Variants in SHB observed in about 807,000 individuals in gnomAD.
The protein encoded by SHB is SH2 domain-containing adapter protein B.
In SHB, 20 loss-of-function variants were observed where a neutral mutation model predicts 52.3. The ratio of observed to expected loss-of-function variants is 0.38; its 90% CI spans 0.27 to 0.56. SHB has a LOEUF of 0.56. Among genes scored for constraint, SHB ranks in the 20% least tolerant of loss-of-function variants. SHB has a pLI of 0.71. For synonymous variants in SHB, 397 were observed against 316.5 expected, an observed-to-expected ratio of 1.25 and a Z score of -2.70; for missense variants, 825 against 723.3, an observed-to-expected ratio of 1.14 and a Z score of -1.61.
chr9:38,009,118 C>T (rs1821106199), intron 2 of SHB, among the ~76,000 whole-genome samples: 1 of 152,228 alleles, frequency 6.6e-6, no homozygotes, highest in Non-Finnish European at 1.5e-5. Flanking sequence ...GACTCACAGG[C>T]TCCTTTTTCT....
chr9:37,956,400 G>A lies in SHB; in HGVS notation c.1055-346C>T, dbSNP rs376604179. Among the ~76,000 whole-genome samples the A allele has an allele frequency of 5.9e-5, 9 of 152,200 alleles. No individual in the cohort carries two copies. The East Asian group carries it at 1.4e-3, about 23-fold the overall frequency. The stretch of plus-strand genomic sequence containing the variant: ...AACTCTGTCCTCTGGACAGTTCTCA[G>A]GGGAAAAAGCTGTTTCTTGTATTGG... On this transcript the variant is annotated intron_variant, in intron 3 of 5. Transcript: ENST00000377707.
Position 38,068,106 on chromosome 9 carries a change from G to A in SHB, c.540C>T (p.Ser180=), listed in dbSNP as rs762987990. Residue 180 remains serine, a synonymous_variant, in exon 1 of 6, where the codon TCC becomes TCT. Transcript: ENST00000377707. Reference sequence around the variant, plus strand: ...CCACTTTGATGAGGCGGTGCTTGGGGGAGATGTAGCGCACCTCGGCCGGCG... The same window carrying A: ...CCACTTTGATGAGGCGGTGCTTGGGAGAGATGTAGCGCACCTCGGCCGGCG... ...PATPAEVRYI[S]PKHRLIKVES... is the part of the protein sequence containing the mutation. 17 of 1,484,556 alleles carry A rather than the reference G, an allele frequency of 1.1e-5. No homozygotes were observed. In the East Asian group the frequency reaches 3.3e-4, roughly 29 times the overall value. 92.0% of individuals were successfully genotyped at this position (1,484,556 alleles called of 1,614,324 possible).
intron 3 of SHB, among the ~76,000 whole-genome samples, chr9:37,970,042 G>C (rs1820573315): frequency 1.3e-5 from 2 of 152,220 alleles, no homozygotes; most frequent in African/African-American, 2.4e-5. Flanking sequence ...GGGTGGGAAG[G>C]GGGCTGACAG....
At chr9:38,001,513 T>TTC (rs1488490497) in intron 2 of SHB, among the ~76,000 whole-genome samples, 4 of 152,242 alleles carry the variant, frequency 2.6e-5, no homozygotes, top group Non-Finnish European at 4.4e-5. Flanking sequence ...GCCTGGCCAG[T>TTC]TCTGTCCTTC....
At chr9:38,037,942 T>G (rs994556600) in intron 1 of SHB, among the ~76,000 whole-genome samples, 3 of 152,170 alleles carry the variant, frequency 2.0e-5, no homozygotes, top group African/African-American at 7.2e-5. Flanking sequence ...TCTGTCACAC[T>G]CTAACAAGAT....
intron 2 of SHB, chr9:38,015,576 C>T: frequency 1.5e-6 from 1 of 664,146 alleles, no homozygotes; most frequent in African/African-American, 1.8e-5. Flanking sequence ...TACTAGTAAT[C>T]TGGCCAGCTC....
intron 2 of SHB, among the ~76,000 whole-genome samples, chr9:37,987,222 AT>A (rs1820820550): frequency 6.6e-6 from 1 of 152,176 alleles, no homozygotes; most frequent in Non-Finnish European, 1.5e-5. Context: ...CAAAAACTCA[AT>A]TGTCAATAGT....
At chr9:37,992,385 G>A (rs1364897107) in intron 2 of SHB, among the ~76,000 whole-genome samples, 1 of 152,100 alleles carries the variant, frequency 6.6e-6, no homozygotes, top group Non-Finnish European at 1.5e-5. Flanking sequence ...TGGGCAACAA[G>A]AGCGAAATTC....
At chr9:37,947,475 G>A (rs1832506098) in intron 5 of SHB, among the ~76,000 whole-genome samples, 1 of 152,208 alleles carries the variant, frequency 6.6e-6, no homozygotes, top group African/African-American at 2.4e-5. Flanking sequence ...GTCCTTGAGA[G>A]ATGCATGGTC....
At chr9:38,059,799 C>T (rs1267966516) in intron 1 of SHB, among the ~76,000 whole-genome samples, 1 of 152,208 alleles carries the variant, frequency 6.6e-6, no homozygotes, top group Non-Finnish European at 1.5e-5. Flanking sequence ...CAGGTACTGG[C>T]CACCAGCTCT....
intron 1 of SHB, among the ~76,000 whole-genome samples, chr9:38,045,800 T>G (rs532389023): frequency 6.6e-6 from 1 of 152,294 alleles, no homozygotes; most frequent in Non-Finnish European, 1.5e-5. Context: ...ATGTAAAGAT[T>G]GATTAAAGAT....
At chr9:38,063,186 C>A (rs1821917039) in intron 1 of SHB, among the ~76,000 whole-genome samples, 2 of 152,196 alleles carry the variant, frequency 1.3e-5, no homozygotes, top group Non-Finnish European at 2.9e-5. Context: ...CAAGTGCAAC[C>A]CTGACCTTTG....
At chr9:38,013,316 C>T (rs778172903) in intron 2 of SHB, among the ~76,000 whole-genome samples, 5 of 152,206 alleles carry the variant, frequency 3.3e-5, no homozygotes, top group Admixed American at 1.3e-4. Context: ...GGTGTACCCT[C>T]ATTTAAAAGG....
intron 2 of SHB, among the ~76,000 whole-genome samples, chr9:38,002,652 T>C (rs1821030514): frequency 6.6e-6 from 1 of 152,192 alleles, no homozygotes; most frequent in Admixed American, 6.5e-5. Context: ...CCAACCTAGC[T>C]TGGCTCTAAA....
chr9:37,947,118 A>G (rs1222157478), intron 5 of SHB, among the ~76,000 whole-genome samples: 3 of 152,322 alleles, frequency 2.0e-5, no homozygotes, highest in Non-Finnish European at 2.9e-5. Flanking sequence ...CTCGGCTGCC[A>G]TAACTGACCC....
At chr9:37,930,800 G>A (rs916177993) in intron 5 of SHB, among the ~76,000 whole-genome samples, 1 of 152,124 alleles carries the variant, frequency 6.6e-6, no homozygotes, top group Non-Finnish European at 1.5e-5. Context: ...AAGACCCTGA[G>A]TAACCAAAAC....
chr9:38,042,988 C>A (rs947403255), intron 1 of SHB, among the ~76,000 whole-genome samples: 32 of 152,170 alleles, frequency 2.1e-4, no homozygotes, highest in African/African-American at 5.8e-4. Flanking sequence ...CCACTCTGAG[C>A]TCCAGTCCTC....
intron 3 of SHB, among the ~76,000 whole-genome samples, chr9:37,972,590 G>C (rs567191575): frequency 3.0e-4 from 45 of 152,254 alleles, no homozygotes; most frequent in African/African-American, 9.9e-4. Context: ...CAGACCTATA[G>C]GGGCAGCAGG....
chr9:38,039,765 G>A (rs1821546907), intron 1 of SHB, among the ~76,000 whole-genome samples: 1 of 152,244 alleles, frequency 6.6e-6, no homozygotes, highest in Admixed American at 6.5e-5. Flanking sequence ...GGCTGGCCGG[G>A]CCCACCATCC....
Sources: allele counts gnomAD v4.1 joint callset (sites outside exome capture counted in the v4.1 genomes callset), GRCh38; gene constraint gnomAD v4.1.1; transcripts MANE v1.5; gene names NCBI Gene and HGNC (gene_info 2026-07-23, HGNC 2026-07-21).